SPNS3: variants seen among roughly 807,000 people sequenced by gnomAD.
SPNS3 encodes the protein SPNS lysolipid transporter 3, sphingosine-1-phosphate (putative).
Under a neutral mutation model 54.4 loss-of-function variants are expected in SPNS3, and 51 were observed. That is an observed-to-expected ratio of 0.94 (90% confidence interval 0.75 to 1.18). SPNS3 has a LOEUF of 1.18. Among genes scored for constraint, SPNS3 ranks in the 50% most tolerant of loss-of-function variants. The pLI is 0.00. For missense variants in SPNS3, 669 were observed against 677.4 expected (o/e 0.99, Z 0.14); for synonymous variants, 309 against 294.7 (o/e 1.05, Z -0.50).
chr17:4,467,078 T>C (rs1971696004), intron 8 of SPNS3, among the ~76,000 whole-genome samples: 1 of 151,742 alleles, frequency 6.6e-6, no homozygotes, highest in Non-Finnish European at 1.5e-5. Flanking sequence ...TGAGGGAGAA[T>C]GCATGGCTGG....
chr17:4,481,498 G>A (rs1036122045), intron 9 of SPNS3, among the ~76,000 whole-genome samples: 5 of 152,158 alleles, frequency 3.3e-5, no homozygotes, highest in Non-Finnish European at 5.9e-5. Context: ...GCACGTTCAC[G>A]TGAACAGCTT....
chr17:4,458,924 C>A (rs556191102), intron 8 of SPNS3, among the ~76,000 whole-genome samples: 1 of 152,034 alleles, frequency 6.6e-6, no homozygotes, highest in South Asian at 2.1e-4. Flanking sequence ...GCATTTAAAG[C>A]CCCTCATGAA....
intron 11 of SPNS3, among the ~76,000 whole-genome samples, chr17:4,487,491 C>A (rs1283062013): frequency 1.3e-5 from 2 of 152,220 alleles, no homozygotes; most frequent in African/African-American, 4.8e-5. Flanking sequence ...ACGGGAGCTG[C>A]TGTGGGGCTT....
intron 9 of SPNS3, among the ~76,000 whole-genome samples, chr17:4,478,906 C>T (rs942413154): frequency 5.3e-5 from 8 of 152,170 alleles, no homozygotes; most frequent in South Asian, 2.1e-4. Context: ...GAGCCAGGAC[C>T]GGAACCTAGG....
Position 4,486,125 on chromosome 17 carries a change from T to C in SPNS3, c.1180-103T>C. The C allele has an allele frequency of 9.7e-7, 1 of 1,034,748 alleles. No individual in the cohort carries two copies. 64.1% of individuals were successfully genotyped at this position (1,034,748 alleles called of 1,614,324 possible). On this transcript the variant is annotated intron_variant, in intron 9 of 11. Transcript: ENST00000355530. This position sits in a 1 kb window ranked among gnomAD's most constrained non-coding sequence, Gnocchi z 5.5. Reference sequence around the variant, plus strand: ...TCGACTCCCTCCCATCCCACTCACCTGAATGGCCTGTCACTCCTCCAGGCA... The same window carrying C: ...TCGACTCCCTCCCATCCCACTCACCCGAATGGCCTGTCACTCCTCCAGGCA...
In SPNS3 at chr17:4,486,439, C is replaced by G. The variant is rs1429435186; in HGVS notation, c.1306C>G (p.Pro436Ala). ...LISSVLRARR[P>A]DSYLQRFRSL... is the part of the protein sequence containing the mutation. ...CTCTAGTGTCCTGCGGGCCAGGCGC[C>G]CTGACTCCTATCTGCAGCGCTTCCG... Residue 436 changes from proline (P) to alanine (A), a missense_variant, in exon 11 of 12, where the codon CCT (proline) becomes GCT (alanine). Pro to Ala is a conservative substitution (Grantham distance 27, BLOSUM62 -1). Coordinates refer to ENST00000355530, the MANE Select transcript of SPNS3 (RefSeq NM_182538.5). This position sits in a 1 kb window ranked among gnomAD's most constrained non-coding sequence, Gnocchi z 5.5. 1 of 1,610,346 alleles carries G rather than the reference C, an allele frequency of 6.2e-7. No individual in the cohort carries two copies. Among genetic ancestry groups the G allele is most frequent in the South Asian group, 1.1e-5 (1 of 90,826 alleles).
chr17:4,476,658 C>T (rs78591827), intron 8 of SPNS3, among the ~76,000 whole-genome samples: 10,121 of 152,224 alleles, frequency 0.066, 1,092 homozygotes, highest in East Asian at 0.59. Flanking sequence ...CTGCCCGGGC[C>T]CCGCCTGAGA....
chr17:4,447,204 C>A (rs189386784), intron 5 of SPNS3, among the ~76,000 whole-genome samples: 1 of 152,276 alleles, frequency 6.6e-6, no homozygotes, highest in East Asian at 1.9e-4. Context: ...TCAAGCAGAT[C>A]ACCTTCTTCT....
At position 4,486,513 on chromosome 17, in the gene SPNS3, GGGC is replaced by G; in HGVS notation, c.1384_1386del (p.Gly462del). 1 of 1,613,674 alleles carries G rather than the reference GGGC, an allele frequency of 6.2e-7. No homozygotes were observed. The highest frequency in any genetic ancestry group is 2.2e-5 in the East Asian group (1 of 44,882). On this transcript the variant is annotated inframe_deletion, in exon 11 of 12. Transcript: ENST00000355530. This position sits in a 1 kb window ranked among gnomAD's most constrained non-coding sequence, Gnocchi z 5.5. Reference sequence around the variant, plus strand: ...GCTGCGCCTTTGTCATCGCCCTGGGGGGCGGCTGCTTCCTGCTGACTGCGCTGT... The same window carrying G: ...GCTGCGCCTTTGTCATCGCCCTGGGGGGCTGCTTCCTGCTGACTGCGCTGT...
chr17:4,440,847 T>C (rs1288502917), intron 2 of SPNS3, among the ~76,000 whole-genome samples: 1 of 152,206 alleles, frequency 6.6e-6, no homozygotes, highest in East Asian at 1.9e-4. Context: ...CCAAGCCTTA[T>C]CTAGCTGTTC....
intron 8 of SPNS3, among the ~76,000 whole-genome samples, chr17:4,465,975 G>A (rs759940978): frequency 6.6e-6 from 1 of 152,180 alleles, no homozygotes; most frequent in Admixed American, 6.5e-5. Context: ...TTGGTCTCAC[G>A]GTGAGAAACC....
At chr17:4,461,315 T>C (rs970022347) in intron 8 of SPNS3, among the ~76,000 whole-genome samples, 1 of 151,066 alleles carries the variant, frequency 6.6e-6, no homozygotes, top group Admixed American at 6.6e-5. Context: ...GTTTCATCAA[T>C]TTTTCTCAAT....
intron 2 of SPNS3, among the ~76,000 whole-genome samples, chr17:4,442,466 G>A (rs1269435663): frequency 6.6e-6 from 1 of 152,100 alleles, no homozygotes; most frequent in Non-Finnish European, 1.5e-5. Flanking sequence ...CCAGAAGGCA[G>A]GGGTTGCAGT....
chr17:4,445,326 C>T (rs935425279), intron 3 of SPNS3, among the ~76,000 whole-genome samples, 158 bp downstream of exon 3: 1 of 151,914 alleles, frequency 6.6e-6, no homozygotes, highest in Non-Finnish European at 1.5e-5. Context: ...AAGGTGAGAG[C>T]ACAGTCTCCA....
intron 1 of SPNS3, among the ~76,000 whole-genome samples, chr17:4,438,637 G>A (rs563087815): frequency 5.8e-4 from 89 of 152,348 alleles, no homozygotes; most frequent in Non-Finnish European, 1.0e-3. Context: ...GTGCACATGC[G>A]TGCAAGCCAG....
rs747439619 is a variant in SPNS3 at position 4,446,228 on chromosome 17, CAGG to C, written c.554+30_554+32del. 117 of 1,588,122 alleles carry C rather than the reference CAGG, an allele frequency of 7.4e-5. No individual in the cohort carries two copies. The Middle Eastern group carries it at 1.8e-3, about 25-fold the overall frequency. ...GGTATCACCCGTGGGTCTACTTCCC[CAGG>C]TGGTAAACTGAGGCCCAAAGGAGTC... On this transcript the variant is annotated intron_variant, in intron 4 of 11. Transcript: ENST00000355530.
intron 7 of SPNS3, among the ~76,000 whole-genome samples, chr17:4,452,728 C>G (rs1434437647): frequency 2.0e-5 from 3 of 151,684 alleles, no homozygotes; most frequent in African/African-American, 4.9e-5. Flanking sequence ...CAGGCTGGGA[C>G]CTGGGGTGCA....
At chr17:4,435,542 G>T (rs1970694433) in intron 1 of SPNS3, among the ~76,000 whole-genome samples, 1 of 151,298 alleles carries the variant, frequency 6.6e-6, no homozygotes, top group Admixed American at 6.6e-5. Flanking sequence ...ATAATGAGGG[G>T]TGGGTGGGTG....
In SPNS3 at chr17:4,453,261, T is replaced by C. The variant is rs1258045720; in HGVS notation, c.1113+56T>C. 13 of 1,523,692 alleles carry C rather than the reference T, an allele frequency of 8.5e-6. No individual in the cohort carries two copies. The East Asian group carries it at 2.9e-4, about 34-fold the overall frequency. 94.4% of individuals were successfully genotyped at this position (1,523,692 alleles called of 1,614,324 possible). A position where few individuals can be genotyped will look rare whatever the true frequency, so the allele number is the denominator to read the frequency against. ...AGGGTTGGGGGGCGAGGAACTCCTGTTTCCACAGGCTCATGCTGCGCCCGG... is the reference window on the plus strand; with the variant it reads ...AGGGTTGGGGGGCGAGGAACTCCTGCTTCCACAGGCTCATGCTGCGCCCGG... On this transcript the variant is annotated intron_variant, in intron 8 of 11. Transcript: ENST00000355530.
Sources: gnomAD v4.1 joint callset for allele counts (sites outside exome capture counted in the v4.1 genomes callset) on GRCh38, gnomAD v4.1.1 for gene constraint, Gnocchi (gnomAD v3.1) non-coding constraint, MANE v1.5 for transcripts, NCBI Gene and HGNC (gene_info 2026-07-23, HGNC 2026-07-21) for gene names.